Variants in SVOPL observed in about 807,000 individuals in gnomAD.
SVOPL encodes putative transporter SVOPL.
A neutral mutation model predicts 61.0 loss-of-function variants in SVOPL; 60 were observed. That is an observed-to-expected ratio of 0.98 (90% CI 0.80 to 1.22). The LOEUF is 1.22. SVOPL is among the 50% of genes most tolerant of loss of function. The pLI, the probability that SVOPL is intolerant of heterozygous loss-of-function variation, is 0.00. For synonymous variants in SVOPL, 279 were observed against 250.0 expected, an observed-to-expected ratio of 1.12 and a Z score of -1.09; for missense variants, 662 against 643.9, an observed-to-expected ratio of 1.03 and a Z score of -0.30.
intron 14 of SVOPL, among the ~76,000 whole-genome samples, chr7:138,613,644 G>A (rs1031042435): frequency 5.9e-5 from 9 of 152,036 alleles, no homozygotes; most frequent in African/African-American, 2.2e-4. Flanking sequence ...AAAAAAGCCT[G>A]TCACCCCTTT....
intron 13 of SVOPL, among the ~76,000 whole-genome samples, chr7:138,623,844 A>G (rs1563098052): frequency 6.6e-6 from 1 of 151,888 alleles, no homozygotes; most frequent in African/African-American, 2.4e-5. Context: ...TCTTTTTGAG[A>G]CGGAGTCTCT....
At chr7:138,629,277 C>G (rs1800057341) in intron 10 of SVOPL, among the ~76,000 whole-genome samples, 2 of 150,164 alleles carry the variant, frequency 1.3e-5, no homozygotes, top group South Asian at 4.2e-4. Flanking sequence ...GTCACCCAGG[C>G]TTGAGTGCAG....
chr7:138,696,717 C>A (rs1223471577), intron 1 of SVOPL, among the ~76,000 whole-genome samples: 2 of 152,156 alleles, frequency 1.3e-5, no homozygotes, highest in African/African-American at 4.8e-5. Flanking sequence ...AGCCACCGCA[C>A]CCTGGTCTGC....
At chr7:138,649,401 C>T (rs1323835257) in intron 7 of SVOPL, among the ~76,000 whole-genome samples, 1 of 152,106 alleles carries the variant, frequency 6.6e-6, no homozygotes, top group East Asian at 1.9e-4. Context: ...TCAAATGATT[C>T]TCATGCCTCA....
At chr7:138,649,293 CTTTTG>C (rs201274309) in intron 7 of SVOPL, among the ~76,000 whole-genome samples, 156 bp from the exon 8 acceptor site, 2,119 of 152,056 alleles carry the variant, frequency 0.014, 23 homozygotes, top group South Asian at 0.066. Flanking sequence ...AGCATTTTGC[CTTTTG>C]TTTTGTTTTG....
chr7:138,627,518 G>A, intron 11 of SVOPL, 57 bp from the exon 12 acceptor site: 1 of 1,249,022 alleles, frequency 8.0e-7, no homozygotes, highest in South Asian at 1.2e-5. Flanking sequence ...GTGGCATATT[G>A]CAACACTGGC....
At chr7:138,633,300 G>T (rs944046622) in intron 9 of SVOPL, among the ~76,000 whole-genome samples, 11 of 152,202 alleles carry the variant, frequency 7.2e-5, no homozygotes, top group Non-Finnish European at 1.0e-4. Flanking sequence ...GATCCCCAGT[G>T]TCGGGGGTGG....
chr7:138,671,712 T>C (rs1399852388), intron 4 of SVOPL, among the ~76,000 whole-genome samples: 1 of 152,106 alleles, frequency 6.6e-6, no homozygotes, highest in Non-Finnish European at 1.5e-5. Flanking sequence ...TCAGCGAGGG[T>C]GATTGGTGAA....
intron 3 of SVOPL, among the ~76,000 whole-genome samples, chr7:138,677,768 TA>T (rs66654813): frequency 0.21 from 30,443 of 145,450 alleles, 2,627 homozygotes; most frequent in Middle Eastern, 0.37. Flanking sequence ...TTCATTTTAT[TA>T]TTTTTTTTTT....
Position 138,678,501 on chromosome 7 carries a change from T to A in SVOPL, c.107A>T (p.Asp36Val). 6.4e-7 allele frequency: 1 copy of A among 1,552,172 alleles called. No individual in the cohort carries two copies. Among genetic ancestry groups the A allele is most frequent in the Non-Finnish European group, 8.7e-7 (1 of 1,147,100 alleles). The part of the protein sequence containing the change: ...VKEPKTFTVE[D>V]AVETIGFGRF... ...CCCGAAGCCGATAGTCTCCACTGCA[T>A]CTTCCACGGTGAACGTCTTTGGCTC... Residue 36 changes from aspartate to valine, a missense_variant, in exon 3 of 16, where the codon GAT becomes GTT. By Grantham distance (152) the Asp-to-Val change is radical. Transcript: ENST00000674285.
At chr7:138,691,763 A>G (rs1213500690) in intron 1 of SVOPL, among the ~76,000 whole-genome samples, 1 of 150,992 alleles carries the variant, frequency 6.6e-6, no homozygotes, top group African/African-American at 2.4e-5. Flanking sequence ...CTGATCTCGA[A>G]CTCCTGACCT....
At chr7:138,643,102 C>T (rs971158169) in intron 9 of SVOPL, among the ~76,000 whole-genome samples, 15 of 152,058 alleles carry the variant, frequency 9.9e-5, no homozygotes, top group African/African-American at 3.6e-4. Context: ...TCCAGCAATT[C>T]CACATCTGGG....
chr7:138,625,930 T>G, intron 13 of SVOPL, 39 bp downstream of exon 13: 1 of 1,609,312 alleles, frequency 6.2e-7, no homozygotes, highest in Non-Finnish European at 8.5e-7. Context: ...TAGCTCACCT[T>G]ACACACCCTT....
At chr7:138,635,578 A>G (rs1659805) in intron 9 of SVOPL, among the ~76,000 whole-genome samples, 132,530 of 151,914 alleles carry the variant, frequency 0.87, 58,121 homozygotes, top group East Asian at 1. Context: ...AGATTTACAC[A>G]CTTGTCAACT....
intron 14 of SVOPL, among the ~76,000 whole-genome samples, chr7:138,600,156 G>A (rs1350836546): frequency 6.6e-6 from 1 of 152,154 alleles, no homozygotes; most frequent in East Asian, 1.9e-4. Flanking sequence ...ATGGCTAATA[G>A]CCTGTAGAAA....
intron 9 of SVOPL, among the ~76,000 whole-genome samples, chr7:138,631,376 G>T (rs1800181459): frequency 6.6e-6 from 1 of 152,090 alleles, no homozygotes; most frequent in African/African-American, 2.4e-5. Flanking sequence ...TAAAATGTAT[G>T]AGTAAGTTAT....
At position 138,618,254 on chromosome 7, in the gene SVOPL, C is replaced by T. The variant is rs981121175; in HGVS notation, c.1353+2792G>A. Among the ~76,000 whole-genome samples the T allele has an allele frequency of 9.2e-5, 14 of 152,240 alleles. No individual in the cohort carries two copies. In the East Asian group the frequency reaches 2.1e-3, roughly 23 times the overall value. On this transcript the variant is annotated intron_variant, in intron 14 of 15. Coordinates refer to ENST00000674285, the MANE Select transcript of SVOPL (RefSeq NM_001139456.2). ...CATGATAATATTAGCTCACATTTAC[C>T]GAGTGCTTACTGTATGTCAAACATT...
chr7:138,680,461 C>T (rs897853261), intron 1 of SVOPL, among the ~76,000 whole-genome samples: 1 of 151,504 alleles, frequency 6.6e-6, no homozygotes, highest in Non-Finnish European at 1.5e-5. Flanking sequence ...TTCTTTTTAA[C>T]CTCGCCTTTT....
rs1802777559 is a variant in SVOPL at position 138,685,079 on chromosome 7, T to C, written c.-34-6000A>G. The stretch of plus-strand genomic sequence containing the variant: ...TCCCAACTAGCTGGGATTACAGGCA[T>C]GTGCCACCACACCCAGCTAATTTTG... On this transcript the variant is annotated intron_variant, in intron 1 of 15. Coordinates refer to ENST00000674285, the MANE Select transcript of SVOPL (RefSeq NM_001139456.2). Among the ~76,000 whole-genome samples the C allele has an allele frequency of 3.3e-5, 5 of 152,126 alleles. No homozygotes were observed. In the South Asian group the frequency reaches 1.0e-3, roughly 32 times the overall value.
Sources: allele counts gnomAD v4.1 joint callset (sites outside exome capture counted in the v4.1 genomes callset), GRCh38; gene constraint gnomAD v4.1.1; transcripts MANE v1.5; gene names NCBI Gene and HGNC (gene_info 2026-07-23, HGNC 2026-07-21).